LMX1B: variants seen among roughly 807,000 people sequenced by gnomAD.
LMX1B encodes the protein LIM homeobox transcription factor 1-beta.
In LMX1B, 12 loss-of-function variants were observed where a neutral mutation model predicts 51.4. That is an observed-to-expected ratio of 0.23 (90% CI 0.15 to 0.38). The LOEUF is 0.38. LMX1B is among the 10% of genes least tolerant of loss of function. LMX1B has a pLI of 1.00. For synonymous variants in LMX1B, 237 were observed against 235.4 expected (o/e 1.01, Z -0.06); for missense variants, 445 against 571.1 (o/e 0.78, Z 2.25).
chr9:126,658,063 T>G lies in LMX1B; in HGVS notation c.327-32773T>G. ...GGGAATAAGCAGTGGGATGGGGAGG[T>G]CTTAGAAGAGGGGCCAAGGGACCTG... On this transcript the variant is annotated intron_variant, in intron 2 of 7. Transcript: ENST00000373474. The surrounding 1 kb of genome is among the most constrained non-coding windows in gnomAD (Gnocchi z 4.0). Among the ~76,000 whole-genome samples the G allele has an allele frequency of 6.6e-6, 1 of 150,916 alleles. No homozygotes were observed. Among genetic ancestry groups the G allele is most frequent in the African/African-American group, 2.4e-5 (1 of 40,966 alleles).
rs2030207601 is a variant in LMX1B, at chr9:126,693,338, G to GAA, written c.741+15_741+16insAA. 6.3e-7 allele frequency: 1 copy of GAA among 1,583,524 alleles called. No individual in the cohort carries two copies. Among genetic ancestry groups the GAA allele is most frequent in the African/African-American group, 1.4e-5 (1 of 74,020 alleles). The stretch of plus-strand genomic sequence containing the variant: ...CTTGCCGAAAGGTGAGGGGCGGCCG[G>GAA]GGGGCGGGGCTCAGGCTGATGCCCG... On this transcript the variant is annotated intron_variant, in intron 4 of 7. Coordinates refer to ENST00000373474, the MANE Select transcript of LMX1B (RefSeq NM_001174147.2).
chr9:126,642,918 C>T (rs899324400), intron 2 of LMX1B, among the ~76,000 whole-genome samples: 11 of 152,210 alleles, frequency 7.2e-5, no homozygotes, highest in African/African-American at 2.7e-4. Flanking sequence ...ATTGGCCTCA[C>T]CCTGTGTCTG....
intron 2 of LMX1B, among the ~76,000 whole-genome samples, chr9:126,669,073 G>A (rs530392071): frequency 7.1e-4 from 108 of 152,362 alleles, no homozygotes; most frequent in African/African-American, 2.6e-3. Context: ...GGGCTCTCTG[G>A]CAGCTTGAGC....
chr9:126,683,164 G>A (rs1027403901), intron 2 of LMX1B, among the ~76,000 whole-genome samples: 1 of 150,964 alleles, frequency 6.6e-6, no homozygotes, highest in South Asian at 2.1e-4. Flanking sequence ...GCCCGGCCCC[G>A]ACGCGGCGAG....
At chr9:126,696,065 C>G in intron 7 of LMX1B, 62 bp downstream of exon 7, 2 of 1,430,204 alleles carry the variant, frequency 1.4e-6, no homozygotes, top group Non-Finnish European at 1.9e-6. Context: ...CCAGGCCAGG[C>G]AGGCCTGGGG....
At chr9:126,640,345 A>G (rs1353932497) in intron 2 of LMX1B, among the ~76,000 whole-genome samples, 1 of 151,804 alleles carries the variant, frequency 6.6e-6, no homozygotes, top group Non-Finnish European at 1.5e-5. Flanking sequence ...TTGGTATGGG[A>G]CCCCTCCAAG....
chr9:126,636,905 G>A (rs775939199), intron 2 of LMX1B, among the ~76,000 whole-genome samples: 2 of 152,206 alleles, frequency 1.3e-5, no homozygotes, highest in Admixed American at 1.3e-4. Context: ...CTCTAGAGAT[G>A]TATGTGCACA....
At chr9:126,689,456 G>C (rs1004378811) in intron 2 of LMX1B, among the ~76,000 whole-genome samples, 1 of 152,234 alleles carries the variant, frequency 6.6e-6, no homozygotes, top group Non-Finnish European at 1.5e-5. Flanking sequence ...CCAAGGTGGC[G>C]CCCGCAGACA....
intron 2 of LMX1B, among the ~76,000 whole-genome samples, chr9:126,688,041 GA>G (rs1252130568): frequency 3.3e-5 from 5 of 152,238 alleles, no homozygotes; most frequent in African/African-American, 1.2e-4. Flanking sequence ...TGGGTGGAGA[GA>G]TGCTTGGAGA....
chr9:126,652,789 G>A (rs1019664727), intron 2 of LMX1B, among the ~76,000 whole-genome samples: 1 of 152,208 alleles, frequency 6.6e-6, no homozygotes. Context: ...GGGAACAAGG[G>A]GATGGGTCAG....
chr9:126,663,040 C>G (rs2118926942), intron 2 of LMX1B, among the ~76,000 whole-genome samples: 1 of 152,302 alleles, frequency 6.6e-6, no homozygotes, highest in African/African-American at 2.4e-5. Context: ...TCAGAAAACT[C>G]TGGGTTCCAG....
chr9:126,665,375 C>T (rs146504524), intron 2 of LMX1B, among the ~76,000 whole-genome samples: 233 of 152,290 alleles, frequency 1.5e-3, no homozygotes, highest in African/African-American at 5.3e-3. Flanking sequence ...AACCGCTGCT[C>T]CTGACTCTGG....
intron 2 of LMX1B, among the ~76,000 whole-genome samples, chr9:126,653,198 G>A (rs147932499): frequency 1.3e-4 from 18 of 136,196 alleles, no homozygotes; most frequent in African/African-American, 4.4e-4. Flanking sequence ...GGTCACCCGG[G>A]CTGGAGTGCA....
Position 126,696,935 on chromosome 9 carries a change from A to C in LMX1B, c.*484A>C, listed in dbSNP as rs1588310466. The C allele has an allele frequency of 5.3e-6, 1 of 188,612 alleles. No individual in the cohort carries two copies. The allele number at this position is 188,612 out of a possible 1,614,324, so 11.7% of individuals were successfully genotyped here. On this transcript the variant is annotated 3_prime_UTR_variant, in exon 8 of 8. Transcript: ENST00000373474. ...GCAGGCCCACTGCCTGGAACCGCACACCCCTCAGCCTGAGTCTGGAGCAGC... is the reference window on the plus strand; with the variant it reads ...GCAGGCCCACTGCCTGGAACCGCACCCCCCTCAGCCTGAGTCTGGAGCAGC...
At chr9:126,643,347 G>A (rs867198309) in intron 2 of LMX1B, among the ~76,000 whole-genome samples, 3 of 152,164 alleles carry the variant, frequency 2.0e-5, no homozygotes, top group Admixed American at 2.0e-4. Context: ...AGAGCCAGCA[G>A]AACAGATGAA....
intron 2 of LMX1B, among the ~76,000 whole-genome samples, chr9:126,683,106 C>T (rs1201494621): frequency 6.6e-6 from 1 of 151,024 alleles, no homozygotes; most frequent in Admixed American, 6.6e-5. Flanking sequence ...GCCGGCGGCC[C>T]CGCACAGCTG....
At chr9:126,693,677 AG>A (rs2118993078) in intron 5 of LMX1B, 68 bp from the exon 6 acceptor site, 2 of 1,595,174 alleles carry the variant, frequency 1.3e-6, no homozygotes, top group Admixed American at 3.5e-5. Context: ...ACTACGGTCC[AG>A]GGGGCGTGGG....
chr9:126,652,152 G>A (rs372712614), intron 2 of LMX1B, among the ~76,000 whole-genome samples: 1 of 152,136 alleles, frequency 6.6e-6, no homozygotes, highest in Non-Finnish European at 1.5e-5. Flanking sequence ...CAGCTCTCCC[G>A]ATTGAAACCC....
At chr9:126,657,460 G>GA (rs754499394) in intron 2 of LMX1B, among the ~76,000 whole-genome samples, 1 of 152,208 alleles carries the variant, frequency 6.6e-6, no homozygotes, top group Non-Finnish European at 1.5e-5. Flanking sequence ...CCCCAATGGT[G>GA]ACATGTTTCC....
Sources: gnomAD v4.1 joint callset for allele counts (sites outside exome capture counted in the v4.1 genomes callset) on GRCh38, gnomAD v4.1.1 for gene constraint, Gnocchi (gnomAD v3.1) non-coding constraint, MANE v1.5 for transcripts, NCBI Gene and HGNC (gene_info 2026-07-23, HGNC 2026-07-21) for gene names.